Variants in CD96 observed in about 807,000 individuals in gnomAD.
CD96 encodes CD96 molecule.
A neutral mutation model predicts 71.3 loss-of-function variants in CD96; 70 were observed. The observed-to-expected ratio is 0.98, with a 90% CI of 0.81 to 1.20. The LOEUF is 1.20. CD96 is among the 50% of genes most tolerant of loss of function. CD96 has a pLI of 0.00. For missense variants in CD96, 742 were observed against 677.5 expected (o/e 1.10, Z -1.06); for synonymous variants, 248 against 233.0 (o/e 1.06, Z -0.59).
At chr3:111,647,436 A>G (rs1027995332) in intron 12 of CD96, 107 bp from the exon 13 acceptor site, 173 of 1,002,448 alleles carry the variant, frequency 1.7e-4, no homozygotes, top group Non-Finnish European at 8.1e-5. Context: ...GTATGATCAC[A>G]GCCAATGTTG....
chr3:111,592,538 CTT>C (rs1937040428), intron 5 of CD96, among the ~76,000 whole-genome samples: 1 of 152,162 alleles, frequency 6.6e-6, no homozygotes, highest in Admixed American at 6.5e-5. Context: ...GTCATGTTCT[CTT>C]CCATTTTCAT....
downstream of CD96, among the ~76,000 whole-genome samples, chr3:111,655,411 T>C (rs1940205335): frequency 6.6e-6 from 1 of 152,090 alleles, no homozygotes; most frequent in East Asian, 1.9e-4. Context: ...TTTAAACAAA[T>C]ATATACAGTA....
At chr3:111,658,692 C>G (rs1026673964) in intron 14 of CD96, among the ~76,000 whole-genome samples, 1 of 152,110 alleles carries the variant, frequency 6.6e-6, no homozygotes, top group Non-Finnish European at 1.5e-5. Flanking sequence ...TGTGCTCCTC[C>G]AAATGTAATA....
intron 8 of CD96, among the ~76,000 whole-genome samples, chr3:111,607,929 A>G (rs1014286438): frequency 6.6e-6 from 1 of 152,244 alleles, no homozygotes; most frequent in Non-Finnish European, 1.5e-5. Context: ...TTCAAAAATA[A>G]TAAAACCTTA....
chr3:111,545,532 G>T (rs1332599961), intron 2 of CD96, 130 bp downstream of exon 2: 10 of 714,976 alleles, frequency 1.4e-5, no homozygotes, highest in Non-Finnish European at 5.1e-6. Flanking sequence ...GCTACTGTCT[G>T]ATAAGAGAGA....
intron 8 of CD96, among the ~76,000 whole-genome samples, chr3:111,618,866 C>A (rs887880069): frequency 6.6e-6 from 1 of 152,036 alleles, no homozygotes; most frequent in South Asian, 2.1e-4. Context: ...CCACTGCGCC[C>A]GGCCTCGCTT....
chr3:111,652,321 G>A lies in CD96; in HGVS notation c.*2515G>A, dbSNP rs1940120184. ...GTATGGCTGTTGCTTTGCTTCATGT[G>A]TATGGCTATTTGTATTTAACAAGAC... On this transcript the variant is annotated 3_prime_UTR_variant, in exon 14 of 14. Coordinates refer to ENST00000352690, the MANE Select transcript of CD96 (RefSeq NM_005816.5). The A allele has an allele frequency of 6.6e-6, 1 of 152,050 alleles. No individual in the cohort carries two copies. The highest frequency in any genetic ancestry group is 2.1e-4 in the South Asian group (1 of 4,824). 9.4% of individuals were successfully genotyped at this position (152,050 alleles called of 1,614,324 possible). A position where few individuals can be genotyped will look rare whatever the true frequency, so the allele number is the denominator to read the frequency against.
intron 3 of CD96, among the ~76,000 whole-genome samples, chr3:111,574,788 A>ATTT (rs5851773): frequency 6.7e-6 from 1 of 148,384 alleles, no homozygotes; most frequent in Non-Finnish European, 1.5e-5. Flanking sequence ...GAATTTTTAG[A>ATTT]TTTTTTTTTT....
intron 8 of CD96, among the ~76,000 whole-genome samples, chr3:111,615,095 T>C (rs1283329810): frequency 1.3e-5 from 2 of 152,256 alleles, no homozygotes; most frequent in Non-Finnish European, 2.9e-5. Context: ...CCCTGTATTA[T>C]GGTTCTTAAC....
At position 111,554,715 on chromosome 3, in the gene CD96, CTG is replaced by C. The variant is rs372503782; in HGVS notation, c.418+9316_418+9317del. Among the ~76,000 whole-genome samples the C allele has an allele frequency of 7.4e-3, 1,122 of 152,136 alleles. 11 individuals are homozygous for C. Among genetic ancestry groups the C allele is most frequent in the African/African-American group, 0.024 (988 of 41,494 alleles). On this transcript the variant is annotated intron_variant, in intron 2 of 13. Transcript: ENST00000352690. The stretch of plus-strand genomic sequence containing the variant: ...GCATGGAAGACAACTTTTCCATAGA[CTG>C]TGGTGGAGGGGGATGGTTTGGGGAT...
At chr3:111,653,263 C>G (rs771328656), downstream of CD96, among the ~76,000 whole-genome samples, 8 of 152,160 alleles carry the variant, frequency 5.3e-5, no homozygotes, top group Non-Finnish European at 8.8e-5. Context: ...CAGTCCAGAT[C>G]AGCAAAACTC....
chr3:111,598,588 A>G (rs1261884318), intron 6 of CD96, among the ~76,000 whole-genome samples: 2 of 152,224 alleles, frequency 1.3e-5, no homozygotes, highest in Non-Finnish European at 2.9e-5. Context: ...TCAATACAAT[A>G]TGTTCAATTA....
intron 5 of CD96, chr3:111,594,642 TG>T (rs1937170049): frequency 5.9e-6 from 1 of 170,522 alleles, no homozygotes; most frequent in Non-Finnish European, 1.4e-5. Flanking sequence ...CCACTGTTTC[TG>T]TGCTTCTTAT....
chr3:111,600,155 G>C (rs191017021), intron 6 of CD96, among the ~76,000 whole-genome samples: 1 of 152,200 alleles, frequency 6.6e-6, no homozygotes, highest in Non-Finnish European at 1.5e-5. Flanking sequence ...CTTACAGCCA[G>C]GAGTCCAGAG....
chr3:111,576,569 T>A (rs1261905775), intron 3 of CD96, among the ~76,000 whole-genome samples: 1 of 152,226 alleles, frequency 6.6e-6, no homozygotes, highest in Non-Finnish European at 1.5e-5. Context: ...TGAGACTTAT[T>A]TGTCCCCGGT....
intron 12 of CD96, among the ~76,000 whole-genome samples, chr3:111,646,628 G>C (rs1230797305): frequency 6.6e-6 from 1 of 151,484 alleles, no homozygotes; most frequent in Non-Finnish European, 1.5e-5. Context: ...ATGTAAATTA[G>C]TTCAGCCATT....
chr3:111,647,894 C>T (rs1235015276), intron 13 of CD96, among the ~76,000 whole-genome samples: 2 of 152,116 alleles, frequency 1.3e-5, no homozygotes, highest in East Asian at 1.9e-4. Context: ...CAGGCTGTAA[C>T]ATTCGTCAGA....
intron 12 of CD96, among the ~76,000 whole-genome samples, chr3:111,642,430 C>T (rs1387725043): frequency 6.6e-6 from 1 of 152,098 alleles, no homozygotes; most frequent in East Asian, 1.9e-4. Flanking sequence ...ATACAACCCA[C>T]CCAGCTTAAA....
At chr3:111,590,022 A>G (rs1322986600) in intron 5 of CD96, among the ~76,000 whole-genome samples, 1 of 152,134 alleles carries the variant, frequency 6.6e-6, no homozygotes, top group Non-Finnish European at 1.5e-5. Flanking sequence ...TTTCAGGAAT[A>G]TTTCTTCCCT....
Sources: gnomAD v4.1 joint callset for allele counts (sites outside exome capture counted in the v4.1 genomes callset) on GRCh38, gnomAD v4.1.1 for gene constraint, MANE v1.5 for transcripts, NCBI Gene and HGNC (gene_info 2026-07-23, HGNC 2026-07-21) for gene names.